MRPS22: variants seen among roughly 807,000 people sequenced by gnomAD.
The protein encoded by MRPS22 is mitochondrial ribosomal protein S22.
A neutral mutation model predicts 44.0 loss-of-function variants in MRPS22; 30 were observed. The ratio of observed to expected loss-of-function variants is 0.68; its 90% CI spans 0.51 to 0.93. The LOEUF (loss-of-function observed/expected upper bound fraction) is 0.93, where lower values mean the gene tolerates loss of function less well. Among genes scored for constraint, MRPS22 ranks in the 40% least tolerant of loss-of-function variants. The pLI is 0.00. For missense variants in MRPS22, 447 were observed against 447.8 expected (o/e 1.00, Z 0.02); for synonymous variants, 165 against 154.4 (o/e 1.07, Z -0.51).
At position 139,353,763 on chromosome 3, in the gene MRPS22, A is replaced by G. The variant is rs1941194307; in HGVS notation, c.878+971A>G. Among the ~76,000 whole-genome samples the G allele has an allele frequency of 3.3e-5, 5 of 152,338 alleles. No individual in the cohort carries two copies. In the South Asian group the frequency reaches 1.0e-3, roughly 32 times the overall value. On this transcript the variant is annotated intron_variant, in intron 6 of 7. Transcript: ENST00000680020. Reference sequence around the variant, plus strand: ...GTAATAAAAATCAGAGGGCAGAAATATACCTTCATACCCCATAATTGGGGG... The same window carrying G: ...GTAATAAAAATCAGAGGGCAGAAATGTACCTTCATACCCCATAATTGGGGG...
chr3:139,353,866 TTTC>T (rs767458094), intron 6 of MRPS22, among the ~76,000 whole-genome samples: 1 of 152,216 alleles, frequency 6.6e-6, no homozygotes, highest in Non-Finnish European at 1.5e-5. Context: ...ACTTATAAAG[TTTC>T]TTGAGTTTAA....
At chr3:139,353,537 T>TA (rs762732727) in intron 6 of MRPS22, among the ~76,000 whole-genome samples, 11 of 152,330 alleles carry the variant, frequency 7.2e-5, no homozygotes, top group South Asian at 2.1e-4. Flanking sequence ...TTCAGACTGT[T>TA]AGTTTTTGAC....
chr3:139,355,390 GCT>G (rs1941228807), intron 6 of MRPS22, among the ~76,000 whole-genome samples: 1 of 152,088 alleles, frequency 6.6e-6, no homozygotes, highest in South Asian at 2.1e-4. Context: ...GAGAAATGGT[GCT>G]CTTTTTCCAA....
At chr3:139,349,321 T>C (rs1941104767) in intron 3 of MRPS22, 3 of 450,576 alleles carry the variant, frequency 6.7e-6, no homozygotes, top group African/African-American at 4.0e-5. Flanking sequence ...TTTTTTTCGA[T>C]TGGCAGTGTT....
In MRPS22 at chr3:139,356,940, C is replaced by G. The variant is rs1217488014; in HGVS notation, c.1009C>G (p.Gln337Glu). 5 of 1,612,756 alleles carry G rather than the reference C, an allele frequency of 3.1e-6. No homozygotes were observed. The highest frequency in any genetic ancestry group is 4.2e-6 in the Non-Finnish European group (5 of 1,179,326). Residue 337 changes from glutamine (Q) to glutamate (E), a missense_variant, in exon 8 of 8, where the codon CAG (glutamine) becomes GAG (glutamate). Transcript: ENST00000680020. ...ACAGGTCTTTGCAAAAACAGAAGCA[C>G]AGAAGGGAGCCTATATAGAACTAAC... ...LIKVFAKTEA[Q>E]KGAYIELTLQ...
intron 7 of MRPS22, among the ~76,000 whole-genome samples, chr3:139,356,483 G>A (rs1389567624): frequency 6.6e-6 from 1 of 152,196 alleles, no homozygotes; most frequent in Non-Finnish European, 1.5e-5. Context: ...GACCTGTGAT[G>A]ACATCCTAGG....
rs756111308 is a variant in MRPS22 at position 139,344,065 on chromosome 3, C to T, written c.39C>T (p.Leu13=). The T allele has an allele frequency of 1.2e-6, 2 of 1,614,210 alleles. No individual in the cohort carries two copies. The highest frequency in any genetic ancestry group is 1.1e-5 in the South Asian group (1 of 91,090). ...GAACAACTGTATTGCTGTGGAGCCT[C>T]TTGAGGAGTTCTCCGGGCGTGGAAC... ...PLGTTVLLWS[L]LRSSPGVERV... Residue 13 remains leucine, a synonymous_variant, in exon 1 of 8, where the codon CTC becomes CTT. Transcript: ENST00000680020.
At chr3:139,355,620 T>C in intron 6 of MRPS22, 62 bp from the exon 7 acceptor site, 1 of 1,348,478 alleles carries the variant, frequency 7.4e-7, no homozygotes, top group Admixed American at 1.7e-5. Context: ...GCACACACTT[T>C]TATAGGACTG....
At position 139,351,040 on chromosome 3, in the gene MRPS22, G is replaced by C. The variant is rs1941142337; in HGVS notation, c.712G>C (p.Asp238His). Residue 238 changes from aspartate to histidine, a missense_variant, in exon 5 of 8, where the codon GAT becomes CAT. Transcript: ENST00000680020. ...TCTCTGCTTTGCCCAGTTTGAGCCA[G>C]ATTCCACAGAGTATATCAAGGTGAG... The part of the protein sequence containing the change: ...LNLCFAQFEP[D>H]STEYIKVHHK... The C allele has an allele frequency of 2.5e-6, 4 of 1,613,950 alleles. No homozygotes were observed. The highest frequency in any genetic ancestry group is 2.5e-6 in the Non-Finnish European group (3 of 1,179,840).
In MRPS22 at chr3:139,357,067, T is replaced by TAATA. The variant is rs1941296351; in HGVS notation, c.*54_*57dup. The stretch of plus-strand genomic sequence containing the variant: ...CTAAATACTGACTACATTTCTCTGT[T>TAATA]AATATTGAGCTAAATGTTAAAAAAT... On this transcript the variant is annotated 3_prime_UTR_variant, in exon 8 of 8. Transcript: ENST00000680020. 9 of 1,381,034 alleles carry TAATA rather than the reference T, an allele frequency of 6.5e-6. No individual in the cohort carries two copies. The highest frequency in any genetic ancestry group is 2.5e-5 in the East Asian group (1 of 40,378). 85.5% of individuals were successfully genotyped at this position (1,381,034 alleles called of 1,614,324 possible). A position where few individuals can be genotyped will look rare whatever the true frequency, so the allele number is the denominator to read the frequency against.
At chr3:139,354,254 G>T (rs1446893304) in intron 6 of MRPS22, among the ~76,000 whole-genome samples, 1 of 152,150 alleles carries the variant, frequency 6.6e-6, no homozygotes, top group Non-Finnish European at 1.5e-5. Flanking sequence ...TTTATATTGA[G>T]ATTATTTTAA....
chr3:139,353,512 G>GA (rs1255180872), intron 6 of MRPS22, among the ~76,000 whole-genome samples: 9 of 152,170 alleles, frequency 5.9e-5, no homozygotes, highest in African/African-American at 2.2e-4. Flanking sequence ...AGACAGTTTT[G>GA]AGATTATTGC....
In MRPS22 at chr3:139,356,955, A is replaced by G. The variant is rs764507737; in HGVS notation, c.1024A>G (p.Ile342Val). 2 of 1,613,318 alleles carry G rather than the reference A, an allele frequency of 1.2e-6. No homozygotes were observed. The highest frequency in any genetic ancestry group is 4.5e-5 in the East Asian group (2 of 44,824). Residue 342 changes from isoleucine to valine, a missense_variant, in exon 8 of 8, where the codon ATA becomes GTA. Physicochemically the swap from Ile to Val is conservative, Grantham distance 29. Coordinates refer to ENST00000680020, the MANE Select transcript of MRPS22 (RefSeq NM_020191.4). ...AKTEAQKGAY[I>V]ELTLQTYQEA... ...AACAGAAGCACAGAAGGGAGCCTAT[A>G]TAGAACTAACACTGCAGACTTATCA...
intron 6 of MRPS22, among the ~76,000 whole-genome samples, chr3:139,354,976 A>G (rs1941216073): frequency 6.6e-6 from 1 of 152,224 alleles, no homozygotes; most frequent in Admixed American, 6.5e-5. Context: ...AAAATTGTTT[A>G]TACATTTCTG....
At chr3:139,346,694 C>G (rs1056335288) in intron 1 of MRPS22, among the ~76,000 whole-genome samples, 184 bp from the exon 2 acceptor site, 10 of 152,228 alleles carry the variant, frequency 6.6e-5, no homozygotes, top group African/African-American at 1.9e-4. Flanking sequence ...ATCTCCTCAT[C>G]ATAATGAGTG....
chr3:139,347,162 C>A (rs1941054153), intron 2 of MRPS22, 118 bp downstream of exon 2: 3 of 1,180,644 alleles, frequency 2.5e-6, no homozygotes, highest in Non-Finnish European at 3.8e-6. Flanking sequence ...AAAGGTAATA[C>A]CAGGCATAGA....
At chr3:139,352,590 T>A in intron 5 of MRPS22, 57 bp from the exon 6 acceptor site, 1 of 1,527,276 alleles carries the variant, frequency 6.5e-7, no homozygotes, top group Non-Finnish European at 9.1e-7. Flanking sequence ...GTACGTTGAA[T>A]AATGCTGCAT....
chr3:139,346,265 G>T (rs75754647), intron 1 of MRPS22, among the ~76,000 whole-genome samples: 80 of 152,116 alleles, frequency 5.3e-4, no homozygotes, highest in Non-Finnish European at 9.4e-4. Flanking sequence ...ACCCTGTCAT[G>T]CCCATCCCTA....
Position 139,355,721 on chromosome 3 carries a change from G to A in MRPS22, c.918G>A (p.Val306=). The change falls in exon 7 of 8, where the codon GTG becomes GTA. Residue 306 remains valine (V), a synonymous_variant. Coordinates refer to ENST00000680020, the MANE Select transcript of MRPS22 (RefSeq NM_020191.4). ...CCAACTTGGTCCAGCTGTATCACGT[G>A]CTCCATCCAGATGGCCAGTCGGCTC... ...DATNLVQLYH[V]LHPDGQSAQG... 1 of 1,614,158 alleles carries A rather than the reference G, an allele frequency of 6.2e-7. No individual in the cohort carries two copies. Among genetic ancestry groups the A allele is most frequent in the South Asian group, 1.1e-5 (1 of 91,084 alleles).
Sources: gnomAD v4.1 joint callset for allele counts (sites outside exome capture counted in the v4.1 genomes callset) on GRCh38, gnomAD v4.1.1 for gene constraint, MANE v1.5 for transcripts, NCBI Gene and HGNC (gene_info 2026-07-23, HGNC 2026-07-21) for gene names.